LRP1B: variants seen among roughly 807,000 people sequenced by gnomAD.
LRP1B encodes LDL receptor related protein 1B, also known as low-density lipoprotein receptor-related protein 1B.
LRP1B carries 217 observed loss-of-function variants against 556.6 expected under a neutral mutation model. The ratio of observed to expected loss-of-function variants is 0.39; its 90% CI spans 0.35 to 0.44. The LOEUF (loss-of-function observed/expected upper bound fraction) is 0.44. LRP1B is among the 20% of genes least tolerant of loss of function. The pLI is 1.00. For synonymous variants in LRP1B, 2,047 were observed against 1,865.8 expected (o/e 1.10, Z -2.50); for missense variants, 5,053 against 5,620.8 (o/e 0.90, Z 3.23).
chr2:140,480,907 T>C (rs1426472559), intron 59 of LRP1B, among the ~76,000 whole-genome samples: 1 of 152,020 alleles, frequency 6.6e-6, no homozygotes, highest in Non-Finnish European at 1.5e-5. Flanking sequence ...CACTCTGTCA[T>C]GCAGGCTGGA....
In LRP1B at chr2:140,903,182, A is replaced by G. The variant is rs1272445174; in HGVS notation, c.3521-17T>C. 3.7e-6 allele frequency: 6 copies of G among 1,611,130 alleles called. No individual in the cohort carries two copies. Among genetic ancestry groups the G allele is most frequent in the African/African-American group, 1.3e-5 (1 of 74,850 alleles). On this transcript the variant is annotated splice_polypyrimidine_tract_variant and intron_variant, in intron 22 of 90. Coordinates refer to ENST00000389484, the MANE Select transcript of LRP1B (RefSeq NM_018557.3). ...AACACTCATCTATAAAAAGGGGGGA[A>G]CAGATTATAGGTCTTATCAATTGCT...
At chr2:140,716,559 A>T in intron 36 of LRP1B, 123 bp downstream of exon 36, 1 of 938,712 alleles carries the variant, frequency 1.1e-6, no homozygotes, top group Non-Finnish European at 1.5e-6. Context: ...GAGACTATTT[A>T]CCCCTGTGGC....
intron 7 of LRP1B, among the ~76,000 whole-genome samples, chr2:141,174,708 G>A (rs1680659128): frequency 6.6e-6 from 1 of 152,006 alleles, no homozygotes; most frequent in African/African-American, 2.4e-5. Flanking sequence ...CTAACATTAG[G>A]ATATTGGTAC....
rs2105000744 is a variant in LRP1B, at chr2:140,297,872, C to G, written c.12903G>C (p.Val4301=). Residue 4301 remains valine (V), a synonymous_variant, in exon 84 of 91, where the codon GTG becomes GTC. Transcript: ENST00000389484. ...GGCAGTAAGGCTGGTTTCCAGCAGT[C>G]ACAATGCAGGTTCCTCCATTTTGAC... ...DFCQNGGTCI[V]TAGNQPYCHC... 1 of 1,614,010 alleles carries G rather than the reference C, an allele frequency of 6.2e-7. No homozygotes were observed. The highest frequency in any genetic ancestry group is 1.3e-5 in the African/African-American group (1 of 75,028).
chr2:140,525,006 T>A (rs1396648671), intron 49 of LRP1B, among the ~76,000 whole-genome samples: 1 of 151,886 alleles, frequency 6.6e-6, no homozygotes, highest in Non-Finnish European at 1.5e-5. Context: ...ATAATAAATG[T>A]GTCATCTACT....
intron 86 of LRP1B, among the ~76,000 whole-genome samples, chr2:140,254,135 G>T (rs1169157688): frequency 6.6e-6 from 1 of 151,780 alleles, no homozygotes; most frequent in East Asian, 1.9e-4. Context: ...AGGGTTATGA[G>T]ACTTGAAATT....
chr2:141,426,024 G>T (rs1193510660), intron 3 of LRP1B, among the ~76,000 whole-genome samples: 1 of 151,220 alleles, frequency 6.6e-6, no homozygotes, highest in African/African-American at 2.4e-5. Flanking sequence ...GTAATGCCTA[G>T]GTTTTCTTCT....
intron 3 of LRP1B, among the ~76,000 whole-genome samples, chr2:141,336,378 C>A (rs1687851025): frequency 6.6e-6 from 1 of 152,110 alleles, no homozygotes; most frequent in Non-Finnish European, 1.5e-5. Flanking sequence ...ATTATTTCCC[C>A]ACAAAATCTG....
intron 55 of LRP1B, among the ~76,000 whole-genome samples, chr2:140,501,383 C>T (rs112812353): frequency 0.012 from 1,850 of 151,992 alleles, 47 homozygotes; most frequent in African/African-American, 0.043. Context: ...GAGTTAAATA[C>T]GTATTTATAC....
chr2:142,038,083 C>T (rs1190604144), intron 1 of LRP1B, among the ~76,000 whole-genome samples: 1 of 151,438 alleles, frequency 6.6e-6, no homozygotes, highest in Admixed American at 6.6e-5. Flanking sequence ...AATAAATTCC[C>T]TCTTCAATTA....
At chr2:140,612,852 T>C (rs1469039914) in intron 41 of LRP1B, among the ~76,000 whole-genome samples, 1 of 151,986 alleles carries the variant, frequency 6.6e-6, no homozygotes, top group Non-Finnish European at 1.5e-5. Flanking sequence ...TATACTTTTT[T>C]TAGGAAGTGG....
chr2:141,764,317 A>T (rs1451462395), intron 2 of LRP1B, among the ~76,000 whole-genome samples: 1 of 152,076 alleles, frequency 6.6e-6, no homozygotes, highest in Non-Finnish European at 1.5e-5. Flanking sequence ...AGTAGCTGGG[A>T]CTACAGGCGC....
intron 68 of LRP1B, among the ~76,000 whole-genome samples, chr2:140,376,322 T>A (rs1032364162): frequency 1.3e-5 from 2 of 152,178 alleles, no homozygotes; most frequent in Non-Finnish European, 2.9e-5. Context: ...TTTGCATATC[T>A]TGTGAATATG....
intron 1 of LRP1B, among the ~76,000 whole-genome samples, chr2:141,910,758 T>C (rs1227080189): frequency 1.3e-5 from 2 of 152,096 alleles, no homozygotes; most frequent in Non-Finnish European, 2.9e-5. Flanking sequence ...TACACCTAAG[T>C]AGATAATCGA....
At chr2:141,883,228 C>T (rs556694819) in intron 1 of LRP1B, among the ~76,000 whole-genome samples, 2 of 152,142 alleles carry the variant, frequency 1.3e-5, no homozygotes, top group South Asian at 4.1e-4. Context: ...TTTAGAAAAA[C>T]GTATTTTCAT....
intron 3 of LRP1B, among the ~76,000 whole-genome samples, chr2:141,336,021 T>A (rs955796535): frequency 4.7e-5 from 7 of 148,782 alleles, no homozygotes; most frequent in Non-Finnish European, 1.0e-4. Flanking sequence ...GGCTCGATGT[T>A]ATCTCAGATA....
intron 41 of LRP1B, among the ~76,000 whole-genome samples, chr2:140,662,269 T>C (rs966858078): frequency 6.6e-6 from 1 of 152,036 alleles, no homozygotes; most frequent in Non-Finnish European, 1.5e-5. Flanking sequence ...TTAGAGATTG[T>C]AAAATGGAGG....
intron 77 of LRP1B, among the ~76,000 whole-genome samples, chr2:140,348,876 G>C (rs911274366): frequency 6.6e-6 from 1 of 151,944 alleles, no homozygotes; most frequent in Non-Finnish European, 1.5e-5. Context: ...CTAGAACAGC[G>C]GTCCCCAACC....
chr2:141,366,954 C>A (rs1036253372), intron 3 of LRP1B, among the ~76,000 whole-genome samples: 2 of 152,104 alleles, frequency 1.3e-5, no homozygotes, highest in African/African-American at 2.4e-5. Flanking sequence ...GAAGATGACA[C>A]GGGAAGGGAA....
Sources: gnomAD v4.1 joint callset for allele counts (sites outside exome capture counted in the v4.1 genomes callset) on GRCh38, gnomAD v4.1.1 for gene constraint, MANE v1.5 for transcripts, NCBI Gene and HGNC (gene_info 2026-07-23, HGNC 2026-07-21) for gene names.